Variants in LRRC63 observed in about 807,000 individuals in gnomAD.
The protein encoded by LRRC63 is leucine-rich repeat-containing protein 63.
A neutral mutation model predicts 49.5 loss-of-function variants in LRRC63; 40 were observed. The ratio of observed to expected loss-of-function variants is 0.81; its 90% CI spans 0.63 to 1.05. The LOEUF is 1.05. Among genes scored for constraint, LRRC63 ranks in the 50% least tolerant of loss-of-function variants. The pLI, the probability that LRRC63 is intolerant of heterozygous loss-of-function variation, is 0.00. For missense variants in LRRC63, 636 were observed against 663.1 expected, an observed-to-expected ratio of 0.96 and a Z score of 0.45; for synonymous variants, 191 against 221.1, an observed-to-expected ratio of 0.86 and a Z score of 1.21.
At chr13:46,263,213 G>T (rs2047638627) in intron 8 of LRRC63, among the ~76,000 whole-genome samples, 1 of 151,838 alleles carries the variant, frequency 6.6e-6, no homozygotes, top group South Asian at 2.1e-4. Context: ...ATCTCACTCT[G>T]TCGCCCAGGC....
chr13:46,245,844 G>A lies in LRRC63; in HGVS notation c.991-683G>A, dbSNP rs73480799. ...AGATTCAATTATATTTCAGCACATA[G>A]CAATGTTTGCTTGTTATTGATTGAA... On this transcript the variant is annotated intron_variant, in intron 5 of 9. Coordinates refer to ENST00000595396, the Ensembl canonical transcript of LRRC63. Among the ~76,000 whole-genome samples, 838 of 152,252 alleles carry A rather than the reference G, an allele frequency of 5.5e-3. 6 individuals carry two copies. The highest frequency in any genetic ancestry group is 0.019 in the African/African-American group (789 of 41,536).
At chr13:46,266,315 A>G (rs1213919011) in intron 8 of LRRC63, among the ~76,000 whole-genome samples, 1 of 152,240 alleles carries the variant, frequency 6.6e-6, no homozygotes, top group African/African-American at 2.4e-5. Flanking sequence ...AATAGCACAT[A>G]ATATGTTTTG....
At chr13:46,276,338 C>A (rs1290631916) in intron 9 of LRRC63, among the ~76,000 whole-genome samples, 1 of 151,884 alleles carries the variant, frequency 6.6e-6, no homozygotes, top group Non-Finnish European at 1.5e-5. Context: ...AATTTGGGAT[C>A]TATCATTAGA....
At chr13:46,225,012 G>A (rs1387799896) in intron 2 of LRRC63, among the ~76,000 whole-genome samples, 2 of 152,182 alleles carry the variant, frequency 1.3e-5, no homozygotes, top group Non-Finnish European at 2.9e-5. Flanking sequence ...CTGGTGGGCC[G>A]GTTCCTGGGC....
At chr13:46,218,679 G>T (rs974282494) in intron 2 of LRRC63, among the ~76,000 whole-genome samples, 1 of 152,128 alleles carries the variant, frequency 6.6e-6, no homozygotes, top group Non-Finnish European at 1.5e-5. Flanking sequence ...TTTAGTTGAT[G>T]CAGTTTCTTC....
At chr13:46,276,869 T>C (rs1039668142) in exon 10 of LRRC63, 40 of 144,206 alleles carry the variant, frequency 2.8e-4, no homozygotes, top group African/African-American at 1.2e-3. Context: ...TATATATATT[T>C]ATATATATAT....
At chr13:46,213,233 T>G in intron 2 of LRRC63, 114 bp downstream of exon 2, 2 of 646,636 alleles carry the variant, frequency 3.1e-6, no homozygotes, top group South Asian at 4.8e-5. Flanking sequence ...TTACAAATGT[T>G]TGTTGTCAGG....
chr13:46,230,405 T>G (rs1302059706), intron 4 of LRRC63, among the ~76,000 whole-genome samples: 1 of 152,166 alleles, frequency 6.6e-6, no homozygotes, highest in South Asian at 2.1e-4. Flanking sequence ...TAAAGTCCCA[T>G]GATAGACCGT....
intron 5 of LRRC63, among the ~76,000 whole-genome samples, chr13:46,245,057 T>C (rs1377287998): frequency 6.6e-6 from 1 of 152,178 alleles, no homozygotes; most frequent in East Asian, 1.9e-4. Context: ...CTGTATTAGC[T>C]GACTAGGTAG....
chr13:46,229,071 T>C (rs1246015741), intron 4 of LRRC63, among the ~76,000 whole-genome samples: 1 of 152,164 alleles, frequency 6.6e-6, no homozygotes, highest in African/African-American at 2.4e-5. Context: ...GATTATACCA[T>C]CCTAGATGTT....
exon 2 of LRRC63, chr13:46,213,118 A>G (rs1260426608): frequency 2.0e-6 from 3 of 1,528,974 alleles, no homozygotes; most frequent in East Asian, 2.5e-5. Context: ...AAACCCATAC[A>G]GGTATGTGTA....
intron 2 of LRRC63, among the ~76,000 whole-genome samples, chr13:46,217,610 G>A (rs1016575410): frequency 1.7e-4 from 26 of 152,098 alleles, no homozygotes; most frequent in Admixed American, 8.5e-4. Context: ...AACTCCTTCA[G>A]TTCTGCTCTG....
intron 8 of LRRC63, among the ~76,000 whole-genome samples, chr13:46,266,228 T>C (rs1433971491): frequency 6.6e-6 from 1 of 152,190 alleles, no homozygotes; most frequent in East Asian, 1.9e-4. Context: ...TCTCTTTGAA[T>C]AAATAATAAG....
chr13:46,250,370 A>T (rs1342517396), exon 7 of LRRC63: 1 of 1,515,184 alleles, frequency 6.6e-7, no homozygotes, highest in Non-Finnish European at 8.9e-7. Flanking sequence ...ATGTCTTAAA[A>T]ATTTACAAAT....
chr13:46,263,363 TG>T (rs1224982548), intron 8 of LRRC63, among the ~76,000 whole-genome samples: 8 of 151,916 alleles, frequency 5.3e-5, no homozygotes, highest in Non-Finnish European at 1.0e-4. Context: ...TTTGTAGAGA[TG>T]GGGGTCTCAC....
chr13:46,258,807 C>CAA (rs11451920), intron 7 of LRRC63, among the ~76,000 whole-genome samples: 2,598 of 89,812 alleles, frequency 0.029, 179 homozygotes, highest in African/African-American at 0.095. Flanking sequence ...GACTCTGTCT[C>CAA]AAAAAAAAAA....
chr13:46,234,229 C>T (rs558057454), exon 5 of LRRC63: 7 of 1,550,036 alleles, frequency 4.5e-6, no homozygotes, highest in African/African-American at 2.7e-5. Context: ...CAGAGATACA[C>T]GTTGTACGTG....
rs1194362523 is a variant in LRRC63 at position 46,246,583 on chromosome 13, T to A, written c.1047T>A (p.Tyr349Ter). The A allele has an allele frequency of 2.0e-6, 3 of 1,473,240 alleles. No individual in the cohort carries two copies. In the East Asian group the frequency reaches 7.9e-5, roughly 39 times the overall value. The allele number at this position is 1,473,240 out of a possible 1,614,324, so 91.3% of individuals were successfully genotyped here. A position where few individuals can be genotyped will look rare whatever the true frequency, so the allele number is the denominator to read the frequency against. Reference sequence around the variant, plus strand: ...CACCTTTGGCTTTCCAGTTGATATATCTTAATTTATCATTTAATGATCTTC... The same window carrying A: ...CACCTTTGGCTTTCCAGTTGATATAACTTAATTTATCATTTAATGATCTTC... Residue 349 changes from tyrosine (Y) to a stop codon, truncating the protein, a stop_gained, in exon 6 of 10, where the codon TAT (tyrosine) becomes TAA (stop). Coordinates refer to ENST00000595396, the Ensembl canonical transcript of LRRC63. LOFTEE classifies it high-confidence loss of function.
At chr13:46,225,090 C>T (rs903230912) in intron 2 of LRRC63, among the ~76,000 whole-genome samples, 11 of 152,112 alleles carry the variant, frequency 7.2e-5, no homozygotes, top group Non-Finnish European at 1.5e-4. Context: ...GTTCTCACGT[C>T]GCTGGGAAAC....
Sources: allele counts gnomAD v4.1 joint callset (sites outside exome capture counted in the v4.1 genomes callset), GRCh38; gene constraint gnomAD v4.1.1; transcripts MANE v1.5; gene names NCBI Gene and HGNC (gene_info 2026-07-23, HGNC 2026-07-21).